THBS1: variants seen among roughly 807,000 people sequenced by gnomAD.
THBS1 encodes the protein thrombospondin 1.
Under a neutral mutation model 126.1 loss-of-function variants are expected in THBS1, and 29 were observed. The observed-to-expected ratio is 0.23, with a 90% CI of 0.17 to 0.31. The LOEUF (loss-of-function observed/expected upper bound fraction) is 0.31, where lower values mean the gene tolerates loss of function less well. Among genes scored for constraint, THBS1 ranks in the 10% least tolerant of loss-of-function variants. The pLI is 1.00. For missense variants in THBS1, 1,198 were observed against 1,545.2 expected (o/e 0.78, Z 3.77); for synonymous variants, 496 against 577.8 (o/e 0.86, Z 2.03).
In THBS1 at chr15:39,592,915, C is replaced by T. The variant is rs1186698226; in HGVS notation, c.2768-85C>T. On this transcript the variant is annotated intron_variant, in intron 17 of 21. Transcript: ENST00000260356. The surrounding 1 kb of genome is among the most constrained non-coding windows in gnomAD (Gnocchi z 4.3). ...ACAGGATGAAGGGACCAAATGCCAACTTAGACAAGATAGTGACATTTCTGA... is the reference window on the plus strand; with the variant it reads ...ACAGGATGAAGGGACCAAATGCCAATTTAGACAAGATAGTGACATTTCTGA... 1 of 1,546,214 alleles carries T rather than the reference C, an allele frequency of 6.5e-7. No homozygotes were observed. Among genetic ancestry groups the T allele is most frequent in the Non-Finnish European group, 8.9e-7 (1 of 1,129,234 alleles).
Position 39,589,797 on chromosome 15 carries a change from A to C in THBS1, c.1927-8A>C. 1 of 1,600,206 alleles carries C rather than the reference A, an allele frequency of 6.2e-7. No individual in the cohort carries two copies. On this transcript the variant is annotated splice_region_variant and splice_polypyrimidine_tract_variant and intron_variant, in intron 12 of 21. Transcript: ENST00000260356. The surrounding 1 kb of genome is among the most constrained non-coding windows in gnomAD (Gnocchi z 4.7). ...GCTCTGTGTAACAGCAGCATGGTGT[A>C]CCCTCAGGTGTGCAAGCCCCGTAAC...
rs765540557 is a variant in THBS1, at chr15:39,589,121, T to TA, written c.1773+36dup. On this transcript the variant is annotated intron_variant, in intron 11 of 21. Transcript: ENST00000260356. This position sits in a 1 kb window ranked among gnomAD's most constrained non-coding sequence, Gnocchi z 4.7. ...TGATGGGGCTCCGAGTTTCTGGATC[T>TA]AGGAAAGCAGCTAACCTGTGCAGTC... The TA allele has an allele frequency of 3.7e-5, 60 of 1,612,744 alleles. No homozygotes were observed. In the African/African-American group the frequency reaches 7.9e-4, roughly 21 times the overall value.
rs1190297156 is a variant in THBS1, at chr15:39,596,237, C to T, written c.*868C>T. 2 of 167,898 alleles carry T rather than the reference C, an allele frequency of 1.2e-5. No homozygotes were observed. Among genetic ancestry groups the T allele is most frequent in the African/African-American group, 4.8e-5 (2 of 41,810 alleles). The allele number at this position is 167,898 out of a possible 1,614,324, so 10.4% of individuals were successfully genotyped here. A position where few individuals can be genotyped will look rare whatever the true frequency, so the allele number is the denominator to read the frequency against. Reference sequence around the variant, plus strand: ...CAGCTGCCTCCCAAAGGAGGGGCAGCCGTGCTTATATTTTTATGGTTACAA... The same window carrying T: ...CAGCTGCCTCCCAAAGGAGGGGCAGTCGTGCTTATATTTTTATGGTTACAA... On this transcript the variant is annotated 3_prime_UTR_variant, in exon 22 of 22. Transcript: ENST00000260356.
At position 39,591,242 on chromosome 15, in the gene THBS1, G is replaced by A. The variant is rs1186352089; in HGVS notation, c.2305G>A (p.Asp769Asn). The change falls in exon 15 of 22, where the codon GAT becomes AAT. Residue 769 changes from aspartate (D) to asparagine (N), a missense_variant. Physicochemically the swap from Asp to Asn is conservative, Grantham distance 23. Coordinates refer to ENST00000260356, the MANE Select transcript of THBS1 (RefSeq NM_003246.4). The part of the protein sequence containing the change: ...NPAQYDYDRD[D>N]VGDRCDNCPY... ...AGCTCAGTATGACTATGACAGAGATGATGTGGGAGACCGCTGTGACAACTG... is the reference window on the plus strand; with the variant it reads ...AGCTCAGTATGACTATGACAGAGATAATGTGGGAGACCGCTGTGACAACTG... 6.2e-7 allele frequency: 1 copy of A among 1,614,234 alleles called. No individual in the cohort carries two copies. Among genetic ancestry groups the A allele is most frequent in the Admixed American group, 1.7e-5 (1 of 60,022 alleles).
chr15:39,587,970 G>C, intron 8 of THBS1, 72 bp from the exon 9 acceptor site: 1 of 1,451,972 alleles, frequency 6.9e-7, no homozygotes. Flanking sequence ...ACTTCTGCGT[G>C]CTCCTGATGG....
chr15:39,593,372 A>G lies in THBS1; in HGVS notation c.2996-25A>G. On this transcript the variant is annotated intron_variant, in intron 18 of 21. Coordinates refer to ENST00000260356, the MANE Select transcript of THBS1 (RefSeq NM_003246.4). This position sits in a 1 kb window ranked among gnomAD's most constrained non-coding sequence, Gnocchi z 5.9. ...AACCTTCTGAAGGCTGCAGGTTTTAACCTGGCTCTGGGCTCTTCTTCCAGG... is the reference window on the plus strand; with the variant it reads ...AACCTTCTGAAGGCTGCAGGTTTTAGCCTGGCTCTGGGCTCTTCTTCCAGG... 6.2e-7 allele frequency: 1 copy of G among 1,613,336 alleles called. No individual in the cohort carries two copies. Among genetic ancestry groups the G allele is most frequent in the Non-Finnish European group, 8.5e-7 (1 of 1,179,540 alleles).
chr15:39,593,303 ACC>A lies in THBS1; in HGVS notation c.2995+77_2995+78del. 6.2e-7 allele frequency: 1 copy of A among 1,611,414 alleles called. No homozygotes were observed. Among genetic ancestry groups the A allele is most frequent in the South Asian group, 1.1e-5 (1 of 90,960 alleles). ...AACAAATATAAAACCTGGCAGTTGT[ACC>A]TATCCCTGTGGGTGCTGAGGATGTC... On this transcript the variant is annotated intron_variant, in intron 18 of 21. Coordinates refer to ENST00000260356, the MANE Select transcript of THBS1 (RefSeq NM_003246.4). This position sits in a 1 kb window ranked among gnomAD's most constrained non-coding sequence, Gnocchi z 5.9.
rs1196002522 is a variant in THBS1, at chr15:39,589,497, G to A, written c.1926+143G>A. The A allele has an allele frequency of 6.0e-6, 7 of 1,163,232 alleles. No homozygotes were observed. The highest frequency in any genetic ancestry group is 2.6e-5 in the East Asian group (1 of 38,872). The allele number at this position is 1,163,232 out of a possible 1,614,324, so 72.1% of individuals were successfully genotyped here. A position where few individuals can be genotyped will look rare whatever the true frequency, so the allele number is the denominator to read the frequency against. ...GAATGTACGGTCTAGTTTTAGAAACGTGATTAGAAAATCCATGGTAAATCC... is the reference window on the plus strand; with the variant it reads ...GAATGTACGGTCTAGTTTTAGAAACATGATTAGAAAATCCATGGTAAATCC... On this transcript the variant is annotated intron_variant, in intron 12 of 21. Coordinates refer to ENST00000260356, the MANE Select transcript of THBS1 (RefSeq NM_003246.4). The surrounding 1 kb of genome is among the most constrained non-coding windows in gnomAD (Gnocchi z 4.7).
rs1230915705 is a variant in THBS1 at position 39,591,601 on chromosome 15, C to T, written c.2510C>T (p.Pro837Leu). 1 of 1,614,102 alleles carries T rather than the reference C, an allele frequency of 6.2e-7. No homozygotes were observed. The highest frequency in any genetic ancestry group is 8.5e-7 in the Non-Finnish European group (1 of 1,180,010). Residue 837 changes from proline to leucine, a missense_variant, in exon 16 of 22, where the codon CCC (proline) becomes CTC (leucine). By Grantham distance (98) the Pro-to-Leu change is moderately conservative. This residue lies in a region of THBS1 where 663 missense variants were observed against 860.1 expected (regional missense o/e 0.77). Transcript: ENST00000260356. ...DGVGDQCDNCPLEHNPDQLDS... is the reference protein window; with the variant it reads ...DGVGDQCDNCLLEHNPDQLDS... ...GTTGGAGATCAGTGTGACAATTGCCCCTTGGAACACAATCCGGATCAGGTA... is the reference window on the plus strand; with the variant it reads ...GTTGGAGATCAGTGTGACAATTGCCTCTTGGAACACAATCCGGATCAGGTA...
chr15:39,588,926 T>C (rs756162421), intron 10 of THBS1, 33 bp from the exon 11 acceptor site: 2 of 1,614,148 alleles, frequency 1.2e-6, no homozygotes, highest in Admixed American at 3.3e-5. Context: ...AGACCAACCA[T>C]TTACTGTGAC....
At chr15:39,585,169 G>A (rs1029699335) in intron 6 of THBS1, among the ~76,000 whole-genome samples, 2 of 152,132 alleles carry the variant, frequency 1.3e-5, no homozygotes, top group East Asian at 3.9e-4. Flanking sequence ...ACATAGATTT[G>A]ACCCATGATG....
At position 39,597,280 on chromosome 15, in the gene THBS1, G is replaced by GC. The variant is rs1890476575; in HGVS notation, c.*1911_*1912insC. 2.1e-5 allele frequency: 1 copy of GC among 48,044 alleles called. No homozygotes were observed. The highest frequency in any genetic ancestry group is 4.0e-5 in the Non-Finnish European group (1 of 25,238). 3.0% of individuals were successfully genotyped at this position (48,044 alleles called of 1,614,324 possible). A position where few individuals can be genotyped will look rare whatever the true frequency, so the allele number is the denominator to read the frequency against. On this transcript the variant is annotated 3_prime_UTR_variant, in exon 22 of 22. Coordinates refer to ENST00000260356, the MANE Select transcript of THBS1 (RefSeq NM_003246.4). ...GTTGGTTTTTTCTTTTTTTTGTTTT[G>GC]TTTTTTTTTTTTTTTTTTTTTGCTT...
rs886084874 is a variant in THBS1, at chr15:39,593,040, T to C, written c.2808T>C (p.His936=). The C allele has an allele frequency of 1.2e-6, 2 of 1,611,512 alleles. No individual in the cohort carries two copies. Among genetic ancestry groups the C allele is most frequent in the Non-Finnish European group, 1.7e-6 (2 of 1,178,972 alleles). ...ATGCCTGCAAAGATGATTTTGACCA[T>C]GACAGTGTGCCAGACATCGATGACA... is the stretch of plus-strand genomic sequence containing the variant. ...RGDACKDDFD[H]DSVPDIDDIC... The change falls in exon 18 of 22, where the codon CAT becomes CAC. Residue 936 remains histidine, a synonymous_variant. Coordinates refer to ENST00000260356, the MANE Select transcript of THBS1 (RefSeq NM_003246.4). The surrounding 1 kb of genome is among the most constrained non-coding windows in gnomAD (Gnocchi z 5.9).
At position 39,592,329 on chromosome 15, in the gene THBS1, G is replaced by A. The variant is rs1024557974; in HGVS notation, c.2533-239G>A. ...TGACCTTATTTAGAAAGTTTTATATGTAAAACATTTTTAAATTATCCCTTC... is the reference window on the plus strand; with the variant it reads ...TGACCTTATTTAGAAAGTTTTATATATAAAACATTTTTAAATTATCCCTTC... On this transcript the variant is annotated intron_variant, in intron 16 of 21. Coordinates refer to ENST00000260356, the MANE Select transcript of THBS1 (RefSeq NM_003246.4). The surrounding 1 kb of genome is among the most constrained non-coding windows in gnomAD (Gnocchi z 4.3). Among the ~76,000 whole-genome samples, 1 of 152,128 alleles carries A rather than the reference G, an allele frequency of 6.6e-6. No homozygotes were observed. The highest frequency in any genetic ancestry group is 2.1e-4 in the South Asian group (1 of 4,826).
At position 39,599,379 on chromosome 15, in the gene THBS1, A is replaced by G. The variant is rs928426893; in HGVS notation, c.*4010A>G. ...TTTTCTTCCCCCTTACCTAAATAACAGAAAGGCTCACTATGTCCCAAATAT... is the reference window on the plus strand; with the variant it reads ...TTTTCTTCCCCCTTACCTAAATAACGGAAAGGCTCACTATGTCCCAAATAT... On this transcript the variant is annotated 3_prime_UTR_variant, in exon 22 of 22. Coordinates refer to ENST00000260356, the MANE Select transcript of THBS1 (RefSeq NM_003246.4). The G allele has an allele frequency of 6.6e-6, 1 of 152,174 alleles. No individual in the cohort carries two copies. The highest frequency in any genetic ancestry group is 1.5e-5 in the Non-Finnish European group (1 of 68,034). The allele number at this position is 152,174 out of a possible 1,614,324, so 9.4% of individuals were successfully genotyped here.
intron 14 of THBS1, chr15:39,590,865 C>A: frequency 1.8e-6 from 1 of 541,480 alleles, no homozygotes; most frequent in Non-Finnish European, 3.2e-6. Flanking sequence ...AATTATAATG[C>A]ATAAACAAAT....
Position 39,584,179 on chromosome 15 carries a change from C to T in THBS1, c.895C>T (p.Arg299Cys), listed in dbSNP as rs753051757. ...TIVTTLQDSI[R>C]KVTEENKELA... Reference sequence around the variant, plus strand: ...TGTGACCACGCTGCAGGACAGCATCCGCAAAGTGGTCAGTGGCCTCTGCAC... The same window carrying T: ...TGTGACCACGCTGCAGGACAGCATCTGCAAAGTGGTCAGTGGCCTCTGCAC... The change falls in exon 5 of 22, where the codon CGC (arginine) becomes TGC (cysteine). Residue 299 changes from arginine (R) to cysteine (C), a missense_variant. Physicochemically the swap from Arg to Cys is radical, Grantham distance 180 (BLOSUM62 -3). Around this residue, in one of 4 missense-constraint regions of THBS1, gnomAD observed 663 missense variants for 860.1 expected, o/e 0.77. Coordinates refer to ENST00000260356, the MANE Select transcript of THBS1 (RefSeq NM_003246.4). 8.1e-6 allele frequency: 13 copies of T among 1,614,022 alleles called. No homozygotes were observed. The highest frequency in any genetic ancestry group is 1.7e-5 in the Admixed American group (1 of 60,024).
chr15:39,589,966 T>C lies in THBS1; in HGVS notation c.2088T>C (p.Asp696=). 6.2e-7 allele frequency: 1 copy of C among 1,613,900 alleles called. No homozygotes were observed. Among genetic ancestry groups the C allele is most frequent in the Non-Finnish European group, 8.5e-7 (1 of 1,179,894 alleles). Residue 696 remains aspartate, a synonymous_variant, in exon 13 of 22, where the codon GAT becomes GAC. Transcript: ENST00000260356. The surrounding 1 kb of genome is among the most constrained non-coding windows in gnomAD (Gnocchi z 4.7). ...GIICGEDTDL[D]GWPNENLVCV... is the part of the protein sequence containing the mutation. ...TCTGCGGGGAGGACACAGACCTGGA[T>C]GGCTGGCCCAATGAGAACCTGGTGT...
chr15:39,590,384 A>T (rs1890303468), intron 13 of THBS1, 132 bp from the exon 14 acceptor site: 1 of 682,228 alleles, frequency 1.5e-6, no homozygotes, highest in African/African-American at 1.8e-5. Flanking sequence ...TTGTCTTCCC[A>T]TAAAAAAAAT....
Sources: gnomAD v4.1 joint callset for allele counts (sites outside exome capture counted in the v4.1 genomes callset) on GRCh38, gnomAD v4.1.1 for gene constraint, gnomAD v4.1.1 regional missense constraint, Gnocchi (gnomAD v3.1) non-coding constraint, MANE v1.5 for transcripts, NCBI Gene and HGNC (gene_info 2026-07-23, HGNC 2026-07-21) for gene names.